Variants in PRELID2 observed in about 807,000 individuals in gnomAD.
PRELID2 encodes the protein PRELI domain-containing protein 2.
PRELID2 carries 25 observed loss-of-function variants against 28.4 expected under a neutral mutation model. That is an observed-to-expected ratio of 0.88 (90% confidence interval 0.64 to 1.23). The LOEUF is 1.23. PRELID2 is among the 50% of genes most tolerant of loss of function. The pLI, the probability that PRELID2 is intolerant of heterozygous loss-of-function variation, is 0.00. For missense variants in PRELID2, 201 were observed against 214.4 expected, an observed-to-expected ratio of 0.94 and a Z score of 0.39; for synonymous variants, 76 against 71.6, an observed-to-expected ratio of 1.06 and a Z score of -0.31.
At chr5:145,292,825 AG>A in the PRELID2 span, among the ~76,000 whole-genome samples, 1 of 152,080 alleles carries the variant, frequency 6.6e-6, no homozygotes, top group Admixed American at 6.6e-5. Context: ...CTTTTACCTC[AG>A]CCTTCCAGGT....
intron 1 of PRELID2, among the ~76,000 whole-genome samples, chr5:145,663,899 A>G (rs1055517415): frequency 7.9e-5 from 12 of 152,130 alleles, no homozygotes; most frequent in Admixed American, 5.9e-4. Context: ...AGAGATTTTT[A>G]GGTCATTCTA....
chr5:145,719,137 T>C (rs1755919523), intron 1 of PRELID2, among the ~76,000 whole-genome samples: 1 of 151,894 alleles, frequency 6.6e-6, no homozygotes, highest in African/African-American at 2.4e-5. Context: ...TCAGGATAAC[T>C]GGAAGACAGA....
At chr5:145,352,284 C>T in the PRELID2 span, among the ~76,000 whole-genome samples, 1 of 152,202 alleles carries the variant, frequency 6.6e-6, no homozygotes, top group African/African-American at 2.4e-5. Flanking sequence ...TCCATACATC[C>T]TCTGAAATCT....
chr5:145,779,714 A>T (rs2149792800), intron 5 of PRELID2, among the ~76,000 whole-genome samples: 1 of 152,230 alleles, frequency 6.6e-6, no homozygotes, highest in African/African-American at 2.4e-5. Context: ...ACTTCCTTAT[A>T]CTATCTCCTT....
At chr5:145,577,180 C>T (rs1753068151) in intron 1 of PRELID2, among the ~76,000 whole-genome samples, 1 of 152,108 alleles carries the variant, frequency 6.6e-6, no homozygotes, top group Non-Finnish European at 1.5e-5. Context: ...TACATCAGTG[C>T]ATAGCCAGAG....
intron 1 of PRELID2, among the ~76,000 whole-genome samples, chr5:145,735,332 C>A (rs1374356876): frequency 2.7e-5 from 4 of 150,884 alleles, no homozygotes; most frequent in African/African-American, 7.3e-5. Flanking sequence ...AATAGAATAA[C>A]CATACTGGAT....
chr5:145,612,107 A>T (rs1753625597), intron 1 of PRELID2, among the ~76,000 whole-genome samples: 2 of 152,232 alleles, frequency 1.3e-5, no homozygotes, highest in Admixed American at 1.3e-4. Context: ...TTGTAACTTG[A>T]TCCTTACTTC....
intron 1 of PRELID2, among the ~76,000 whole-genome samples, chr5:145,726,027 A>T (rs561955374): frequency 3.2e-4 from 49 of 151,760 alleles, no homozygotes; most frequent in African/African-American, 6.3e-4. Flanking sequence ...TACAAAAAAA[A>T]TTTTTTTTAA....
intron 1 of PRELID2, among the ~76,000 whole-genome samples, chr5:145,583,730 C>G (rs1753128188): frequency 6.6e-6 from 1 of 152,012 alleles, no homozygotes; most frequent in African/African-American, 2.4e-5. Flanking sequence ...ATACAGCTAA[C>G]AAGAGAAATG....
At chr5:145,642,952 T>G (rs1754132824) in intron 1 of PRELID2, among the ~76,000 whole-genome samples, 1 of 152,242 alleles carries the variant, frequency 6.6e-6, no homozygotes, top group Non-Finnish European at 1.5e-5. Context: ...GGTAGCATGA[T>G]GCCTCCAGCT....
chr5:145,711,774 T>C (rs1485213361), intron 1 of PRELID2, among the ~76,000 whole-genome samples: 1 of 151,990 alleles, frequency 6.6e-6, no homozygotes, highest in Non-Finnish European at 1.5e-5. Flanking sequence ...GAGAAATTGC[T>C]CACAGGCACT....
At chr5:145,277,321 A>C in the PRELID2 span, among the ~76,000 whole-genome samples, 1 of 152,308 alleles carries the variant, frequency 6.6e-6, no homozygotes, top group South Asian at 2.1e-4. Flanking sequence ...AATCTATTAG[A>C]TCTCATAAAA....
At chr5:145,752,906 A>C (rs944052996), downstream of PRELID2, among the ~76,000 whole-genome samples, 3 of 152,250 alleles carry the variant, frequency 2.0e-5, no homozygotes, top group African/African-American at 7.2e-5. Flanking sequence ...AAATGAAAGA[A>C]GGGGCTTCAG....
At chr5:145,669,878 C>G (rs1002945937) in intron 1 of PRELID2, among the ~76,000 whole-genome samples, 2 of 152,100 alleles carry the variant, frequency 1.3e-5, no homozygotes, top group African/African-American at 4.8e-5. Context: ...AGAAGCCTTT[C>G]CTGACCCTTG....
intron 1 of PRELID2, among the ~76,000 whole-genome samples, chr5:145,644,420 TG>T (rs1754162262): frequency 6.6e-6 from 1 of 152,066 alleles, no homozygotes; most frequent in Non-Finnish European, 1.5e-5. Flanking sequence ...TTTATTAGTC[TG>T]GCTAGCAGTT....
intron 1 of PRELID2, among the ~76,000 whole-genome samples, chr5:145,660,713 T>C (rs1754476852): frequency 6.6e-6 from 1 of 152,136 alleles, no homozygotes; most frequent in Non-Finnish European, 1.5e-5. Flanking sequence ...TACATTTCCT[T>C]TGAACAACAT....
At chr5:145,267,837 A>G in the PRELID2 span, among the ~76,000 whole-genome samples, 1 of 152,124 alleles carries the variant, frequency 6.6e-6, no homozygotes, top group Non-Finnish European at 1.5e-5. Context: ...TGTCTTTTGG[A>G]TAAAACTAAT....
chr5:145,330,218 AT>A, the PRELID2 span, among the ~76,000 whole-genome samples: 1 of 152,152 alleles, frequency 6.6e-6, no homozygotes, highest in Non-Finnish European at 1.5e-5. Flanking sequence ...CATCAGGAAT[AT>A]TGACCTGAAA....
intron 6 of PRELID2, among the ~76,000 whole-genome samples, chr5:145,763,456 T>C (rs1371309558): frequency 6.6e-6 from 1 of 152,242 alleles, no homozygotes; most frequent in African/African-American, 2.4e-5. Flanking sequence ...TCTATTAATA[T>C]GTATTAAGTA....
Sources: gnomAD v4.1 joint callset for allele counts (sites outside exome capture counted in the v4.1 genomes callset) on GRCh38, gnomAD v4.1.1 for gene constraint, MANE v1.5 for transcripts, NCBI Gene and HGNC (gene_info 2026-07-23, HGNC 2026-07-21) for gene names.